Variants in BAALC observed in about 807,000 individuals in gnomAD.
BAALC encodes BAALC binder of MAP3K1 and KLF4.
Under a neutral mutation model 15.5 loss-of-function variants are expected in BAALC, and 9 were observed. The ratio of observed to expected loss-of-function variants is 0.58; its 90% confidence interval spans 0.35 to 1.02. The LOEUF (loss-of-function observed/expected upper bound fraction) is 1.02. Among genes scored for constraint, BAALC ranks in the 50% least tolerant of loss-of-function variants. The probability of loss-of-function intolerance (pLI) is 0.02; values close to 1 mark genes in which losing one functional copy is unlikely to be tolerated. For missense variants in BAALC, 201 were observed against 192.4 expected (o/e 1.04, Z -0.27); for synonymous variants, 80 against 74.6 (o/e 1.07, Z -0.37).
At chr8:103,152,198 C>T (rs572666259) in intron 1 of BAALC, among the ~76,000 whole-genome samples, 1 of 152,264 alleles carries the variant, frequency 6.6e-6, no homozygotes, top group South Asian at 2.1e-4. Context: ...CCTTCCTTGG[C>T]CTCCAGGGGC....
intron 1 of BAALC, among the ~76,000 whole-genome samples, chr8:103,180,722 C>A (rs765627521): frequency 1.3e-5 from 2 of 152,170 alleles, no homozygotes; most frequent in Admixed American, 6.5e-5. Context: ...AGCAGGCAAG[C>A]CTTCCTTGGG....
At chr8:103,213,153 C>A in intron 2 of BAALC, 68 bp downstream of exon 2, 2 of 1,524,806 alleles carry the variant, frequency 1.3e-6, no homozygotes, top group Non-Finnish European at 8.9e-7. Flanking sequence ...CAGGGCAGAG[C>A]CACCCAGCCG....
chr8:103,230,022 T>C lies in BAALC; in HGVS notation c.*1923T>C, dbSNP rs1396974313. 1 of 152,188 alleles carries C rather than the reference T, an allele frequency of 6.6e-6. No homozygotes were observed. Among genetic ancestry groups the C allele is most frequent in the Admixed American group, 6.5e-5 (1 of 15,278 alleles). The allele number at this position is 152,188 out of a possible 1,614,324, so 9.4% of individuals were successfully genotyped here. A position where few individuals can be genotyped will look rare whatever the true frequency, so the allele number is the denominator to read the frequency against. On this transcript the variant is annotated 3_prime_UTR_variant, in exon 3 of 3. Transcript: ENST00000309982. ...CTTTGTTTCTGCATCAGTTCACTGC[T>C]GCATGTTGTTTGGAATTTATCACCT...
chr8:103,216,321 T>C (rs946038578), intron 2 of BAALC, among the ~76,000 whole-genome samples: 1 of 152,346 alleles, frequency 6.6e-6, no homozygotes, highest in East Asian at 1.9e-4. Context: ...TATTTGACTT[T>C]CATAGACATT....
chr8:103,198,288 T>A, intron 1 of BAALC: 1 of 542,040 alleles, frequency 1.8e-6, no homozygotes. Context: ...TGATTAAATG[T>A]GATATAATAA....
At chr8:103,202,636 T>C (rs1328887155) in intron 1 of BAALC, among the ~76,000 whole-genome samples, 1 of 152,088 alleles carries the variant, frequency 6.6e-6, no homozygotes, top group Non-Finnish European at 1.5e-5. Flanking sequence ...TTTGAGCAAT[T>C]TGGGAGGAAG....
Position 103,141,055 on chromosome 8 carries a change from C to T in BAALC, c.158C>T (p.Ser53Leu). ...GGCCCCGAAGCGGGCGGCCTGCACT[C>T]GGGTAAGTGGCCGGGCCCCTGCAGA... is the stretch of plus-strand genomic sequence containing the variant. The part of the protein sequence containing the change: ...DSGPEAGGLH[S>L]GMLEDGLPSN... Residue 53 changes from serine to leucine, a missense_variant and splice_region_variant, in exon 1 of 3, where the codon TCG becomes TTG. Ser to Leu is a moderately radical substitution (Grantham distance 145). Coordinates refer to ENST00000309982, the MANE Select transcript of BAALC (RefSeq NM_024812.3). 1.3e-6 allele frequency: 2 copies of T among 1,494,048 alleles called. No individual in the cohort carries two copies. Among genetic ancestry groups the T allele is most frequent in the Non-Finnish European group, 1.8e-6 (2 of 1,122,082 alleles). 92.5% of individuals were successfully genotyped at this position (1,494,048 alleles called of 1,614,324 possible).
At chr8:103,198,860 G>A (rs771190343) in intron 1 of BAALC, among the ~76,000 whole-genome samples, 17 of 152,176 alleles carry the variant, frequency 1.1e-4, no homozygotes, top group Non-Finnish European at 1.3e-4. Flanking sequence ...GCAGTGAGCC[G>A]AAATTGTGCC....
At chr8:103,222,115 A>G (rs577062182) in intron 2 of BAALC, among the ~76,000 whole-genome samples, 2 of 152,310 alleles carry the variant, frequency 1.3e-5, no homozygotes, top group South Asian at 4.1e-4. Flanking sequence ...GCAGAAAGGA[A>G]TGTTCAGGTT....
chr8:103,228,269 C>T lies in BAALC; in HGVS notation c.*170C>T. The T allele has an allele frequency of 3.4e-6, 2 of 587,146 alleles. No homozygotes were observed. The highest frequency in any genetic ancestry group is 6.1e-6 in the Non-Finnish European group (2 of 329,924). 36.4% of individuals were successfully genotyped at this position (587,146 alleles called of 1,614,324 possible). A position where few individuals can be genotyped will look rare whatever the true frequency, so the allele number is the denominator to read the frequency against. On this transcript the variant is annotated 3_prime_UTR_variant, in exon 3 of 3. Transcript: ENST00000309982. The stretch of plus-strand genomic sequence containing the variant: ...AAACTGCTGCCTGATTTGTTGGGAC[C>T]TTCTGAGCCTTCTACTTATCATGTA...
intron 1 of BAALC, among the ~76,000 whole-genome samples, chr8:103,158,433 T>C (rs1443543220): frequency 6.6e-6 from 1 of 152,246 alleles, no homozygotes; most frequent in Non-Finnish European, 1.5e-5. Context: ...GTTCTTCCTT[T>C]CTTTATTAAA....
At chr8:103,204,036 C>T (rs1812277567) in intron 1 of BAALC, among the ~76,000 whole-genome samples, 1 of 152,146 alleles carries the variant, frequency 6.6e-6, no homozygotes, top group Non-Finnish European at 1.5e-5. Context: ...AGTCTTCCCA[C>T]CAGCAGTGTA....
chr8:103,219,601 AG>A (rs1812635339), intron 2 of BAALC: 1 of 152,392 alleles, frequency 6.6e-6, no homozygotes, highest in African/African-American at 2.4e-5. Flanking sequence ...CGGTCTGCAC[AG>A]AATGTGCTCC....
chr8:103,165,336 C>T (rs749469906), intron 1 of BAALC, among the ~76,000 whole-genome samples: 14 of 152,284 alleles, frequency 9.2e-5, no homozygotes, highest in Non-Finnish European at 1.3e-4. Flanking sequence ...CATCCCTTCA[C>T]GCTCCTACCA....
intron 1 of BAALC, among the ~76,000 whole-genome samples, chr8:103,192,908 G>A (rs1158205784): frequency 6.6e-6 from 1 of 152,136 alleles, no homozygotes; most frequent in Non-Finnish European, 1.5e-5. Flanking sequence ...TCTCTTACCA[G>A]CATCCCAGAT....
intron 1 of BAALC, among the ~76,000 whole-genome samples, chr8:103,210,497 T>C (rs919232837): frequency 2.0e-5 from 3 of 152,214 alleles, no homozygotes; most frequent in Non-Finnish European, 2.9e-5. Flanking sequence ...GTCAACACCC[T>C]CCCGCCCTTG....
chr8:103,140,866 G>T lies in BAALC; in HGVS notation c.-32G>T. 1 of 1,469,100 alleles carries T rather than the reference G, an allele frequency of 6.8e-7. No homozygotes were observed. The highest frequency in any genetic ancestry group is 9.0e-7 in the Non-Finnish European group (1 of 1,110,046). 91.0% of individuals were successfully genotyped at this position (1,469,100 alleles called of 1,614,324 possible). The stretch of plus-strand genomic sequence containing the variant: ...AGCCGCCGCCAGAGCCGACAGCCGA[G>T]CAGCCGCTGGGCGCTCCCGCGGCGC... On this transcript the variant is annotated 5_prime_UTR_variant, in exon 1 of 3. Transcript: ENST00000309982. This position sits in a 1 kb window ranked among gnomAD's most constrained non-coding sequence, Gnocchi z 4.2.
chr8:103,183,429 CAAG>C (rs1244961940), intron 1 of BAALC: 6 of 702,842 alleles, frequency 8.5e-6, no homozygotes, highest in Non-Finnish European at 1.6e-5. Context: ...TCTGCTGGTT[CAAG>C]AAGGACTGTG....
At chr8:103,161,645 G>T (rs1450448878) in intron 1 of BAALC, among the ~76,000 whole-genome samples, 1 of 151,128 alleles carries the variant, frequency 6.6e-6, no homozygotes, top group Non-Finnish European at 1.5e-5. Context: ...CCTAAAAAGT[G>T]GTACAGCTGG....
Sources: allele counts gnomAD v4.1 joint callset (sites outside exome capture counted in the v4.1 genomes callset), GRCh38; gene constraint gnomAD v4.1.1; non-coding constraint Gnocchi (gnomAD v3.1); transcripts MANE v1.5; gene names NCBI Gene and HGNC (gene_info 2026-07-23, HGNC 2026-07-21).